LYRM4: variants seen among roughly 807,000 people sequenced by gnomAD.
LYRM4 encodes LYR motif containing 4.
A neutral mutation model predicts 11.7 loss-of-function variants in LYRM4; 9 were observed. The observed-to-expected ratio is 0.77, with a 90% CI of 0.46 to 1.34. The LOEUF (loss-of-function observed/expected upper bound fraction) is 1.34, where lower values mean the gene tolerates loss of function less well. Among genes scored for constraint, LYRM4 ranks in the 40% most tolerant of loss-of-function variants. The pLI is 0.00. For missense variants in LYRM4, 133 were observed against 112.5 expected, an observed-to-expected ratio of 1.18 and a Z score of -0.82; for synonymous variants, 42 against 40.4, an observed-to-expected ratio of 1.04 and a Z score of -0.15.
At chr6:5,146,578 A>G (rs556453779) in intron 2 of LYRM4, among the ~76,000 whole-genome samples, 2 of 152,144 alleles carry the variant, frequency 1.3e-5, no homozygotes, top group African/African-American at 4.8e-5. Context: ...ACACAGCCCC[A>G]ATTTCCCCCT....
At chr6:5,083,224 A>G in the LYRM4 span, among the ~76,000 whole-genome samples, 19 of 152,360 alleles carry the variant, frequency 1.2e-4, no homozygotes, top group African/African-American at 4.6e-4. Flanking sequence ...AAGGGTCGCC[A>G]CCACCTCAAA....
At chr6:5,125,586 G>GA (rs1433346828) in intron 2 of LYRM4, among the ~76,000 whole-genome samples, 1 of 152,232 alleles carries the variant, frequency 6.6e-6, no homozygotes, top group African/African-American at 2.4e-5. Context: ...GAATCCCAGA[G>GA]TGGTCACCAC....
At chr6:5,179,228 A>AT (rs1759929993) in intron 2 of LYRM4, among the ~76,000 whole-genome samples, 1 of 152,170 alleles carries the variant, frequency 6.6e-6, no homozygotes, top group South Asian at 2.1e-4. Flanking sequence ...CTATTCATGT[A>AT]TTTTTTAAAA....
At chr6:5,047,903 G>A in the LYRM4 span, among the ~76,000 whole-genome samples, 3 of 152,152 alleles carry the variant, frequency 2.0e-5, no homozygotes, top group South Asian at 4.1e-4. Context: ...CCCTGGGTGG[G>A]GGTTATGAGG....
the LYRM4 span, among the ~76,000 whole-genome samples, chr6:5,045,655 A>G: frequency 6.6e-6 from 1 of 151,556 alleles, no homozygotes; most frequent in African/African-American, 2.4e-5. Context: ...CTGGCTTGTT[A>G]AGAAGACGGC....
chr6:5,189,551 T>C (rs1403754859), intron 2 of LYRM4, among the ~76,000 whole-genome samples: 2 of 152,212 alleles, frequency 1.3e-5, no homozygotes, highest in South Asian at 2.1e-4. Flanking sequence ...TGCTCTGACA[T>C]GCATTTCGGG....
At chr6:5,233,140 C>A (rs964363982) in intron 1 of LYRM4, among the ~76,000 whole-genome samples, 13 of 152,190 alleles carry the variant, frequency 8.5e-5, no homozygotes, top group African/African-American at 2.9e-4. Context: ...TCTCTGAAGA[C>A]GCCCTGCCTC....
the LYRM4 span, among the ~76,000 whole-genome samples, chr6:5,060,562 C>T: frequency 6.6e-6 from 1 of 151,340 alleles, no homozygotes; most frequent in South Asian, 2.1e-4. Flanking sequence ...TGCAGTGGTA[C>T]CATCTCCATA....
intron 1 of LYRM4, among the ~76,000 whole-genome samples, chr6:5,224,788 C>T (rs560967429): frequency 6.6e-6 from 1 of 151,440 alleles, no homozygotes; most frequent in South Asian, 2.1e-4. Flanking sequence ...GGTGAAACCC[C>T]ATCTCTACTA....
Position 5,260,826 on chromosome 6 carries a change from C to A in LYRM4, c.-93G>T. ...CTCCAGCCTGTGCGGAAACCACGAACGAAATAAAATGCTGCGGCTCGGCTT... is the reference window on the plus strand; with the variant it reads ...CTCCAGCCTGTGCGGAAACCACGAAAGAAATAAAATGCTGCGGCTCGGCTT... On this transcript the variant is annotated 5_prime_UTR_variant, in exon 1 of 3. Transcript: ENST00000330636. The A allele has an allele frequency of 6.6e-7, 1 of 1,523,640 alleles. No individual in the cohort carries two copies. The highest frequency in any genetic ancestry group is 8.8e-7 in the Non-Finnish European group (1 of 1,141,944). The allele number at this position is 1,523,640 out of a possible 1,614,324, so 94.4% of individuals were successfully genotyped here.
the LYRM4 span, chr6:5,054,010 CA>C: frequency 2.3e-6 from 1 of 439,560 alleles, no homozygotes; most frequent in South Asian, 9.5e-5. Context: ...GACTCACCAC[CA>C]GCAGAAAATG....
chr6:5,132,383 G>A (rs1440705028), intron 2 of LYRM4, among the ~76,000 whole-genome samples: 3 of 151,968 alleles, frequency 2.0e-5, no homozygotes, highest in African/African-American at 7.3e-5. Flanking sequence ...CTCCTTTCTA[G>A]GTCTTCTGAC....
chr6:5,038,884 GAGAGAGAGGGAGAGGGAGA>G, the LYRM4 span, among the ~76,000 whole-genome samples: 1 of 8,422 alleles, frequency 1.2e-4, no homozygotes, highest in African/African-American at 2.8e-4. Flanking sequence ...ACCGTGGAGG[GAGAGAGAGGGAGAGGGAGA>G]GGGAGAGGGA....
At chr6:5,034,592 C>G in the LYRM4 span, 1 of 152,598 alleles carries the variant, frequency 6.6e-6, no homozygotes, top group Admixed American at 6.6e-5. Flanking sequence ...CACCATGTGA[C>G]TCGCCGGCTC....
the LYRM4 span, chr6:5,043,252 T>G: frequency 6.6e-6 from 1 of 152,098 alleles, no homozygotes; most frequent in Admixed American, 6.5e-5. Flanking sequence ...TTTTTTGAGA[T>G]ATATATATAT....
intron 1 of LYRM4, among the ~76,000 whole-genome samples, chr6:5,248,202 C>T (rs1764278056): frequency 6.6e-6 from 1 of 152,250 alleles, no homozygotes. Context: ...TCTAATCCAA[C>T]ATATTCAACC....
intron 2 of LYRM4, among the ~76,000 whole-genome samples, chr6:5,140,549 TAGA>T (rs1309191826): frequency 2.0e-5 from 3 of 152,226 alleles, no homozygotes; most frequent in Non-Finnish European, 4.4e-5. Context: ...ACTTTACAAG[TAGA>T]AAGTACTTAA....
intron 2 of LYRM4, among the ~76,000 whole-genome samples, chr6:5,204,910 G>A (rs879272293): frequency 6.6e-6 from 1 of 152,230 alleles, no homozygotes; most frequent in African/African-American, 2.4e-5. Context: ...GCACAGGGTA[G>A]GTGAAGACTT....
At chr6:5,250,325 C>T (rs949352427) in intron 1 of LYRM4, among the ~76,000 whole-genome samples, 10 of 152,082 alleles carry the variant, frequency 6.6e-5, no homozygotes, top group Non-Finnish European at 1.3e-4. Context: ...AGCAATGACA[C>T]GCAGATCTAA....
Sources: gnomAD v4.1 joint callset for allele counts (sites outside exome capture counted in the v4.1 genomes callset) on GRCh38, gnomAD v4.1.1 for gene constraint, MANE v1.5 for transcripts, NCBI Gene and HGNC (gene_info 2026-07-23, HGNC 2026-07-21) for gene names.